Variants in CLSTN1 observed in about 807,000 individuals in gnomAD.
CLSTN1 encodes the protein calsyntenin 1.
CLSTN1 carries 28 observed loss-of-function variants against 108.3 expected under a neutral mutation model. The observed-to-expected ratio is 0.26, with a 90% CI of 0.19 to 0.35. The LOEUF (loss-of-function observed/expected upper bound fraction) is 0.35. CLSTN1 is among the 10% of genes least tolerant of loss of function. The pLI is 1.00. For synonymous variants in CLSTN1, 524 were observed against 534.9 expected (o/e 0.98, Z 0.28); for missense variants, 1,157 against 1,302.6 (o/e 0.89, Z 1.72).
intron 1 of CLSTN1, among the ~76,000 whole-genome samples, chr1:9,786,287 T>C (rs1233203495): frequency 6.6e-6 from 1 of 152,176 alleles, no homozygotes; most frequent in Non-Finnish European, 1.5e-5. Context: ...CCTGCATTTA[T>C]TCACTTTTCC....
At chr1:9,781,505 G>A (rs778890115) in intron 1 of CLSTN1, among the ~76,000 whole-genome samples, 54 of 151,086 alleles carry the variant, frequency 3.6e-4, no homozygotes, top group Admixed American at 6.6e-4. Context: ...GTGTAGTGGC[G>A]TGATCTCGGC....
chr1:9,734,127 A>C lies in CLSTN1; in HGVS notation c.2126T>G (p.Val709Gly). The change falls in exon 15 of 19, where the codon GTG (valine) becomes GGG (glycine). Residue 709 changes from valine to glycine, a missense_variant. Coordinates refer to ENST00000377298, the MANE Select transcript of CLSTN1 (RefSeq NM_001009566.3). The surrounding 1 kb of genome is among the most constrained non-coding windows in gnomAD (Gnocchi z 4.8). ...AEDPTVQESL[V>G]SEEIVHDLDT... ...CAGGTCGTGCACGATCTCCTCGGAC[A>C]CCAGTGATTCTTGAACTGCAAAAGA... 6.2e-7 allele frequency: 1 copy of C among 1,614,102 alleles called. No homozygotes were observed. The highest frequency in any genetic ancestry group is 8.5e-7 in the Non-Finnish European group (1 of 1,179,992).
intron 4 of CLSTN1, among the ~76,000 whole-genome samples, chr1:9,752,586 C>A (rs1206740677): frequency 1.3e-5 from 2 of 152,094 alleles, no homozygotes; most frequent in East Asian, 3.9e-4. Flanking sequence ...AGACTCAGGG[C>A]CGGGTGTGGT....
intron 1 of CLSTN1, among the ~76,000 whole-genome samples, chr1:9,778,540 C>A (rs558956900): frequency 1.3e-5 from 2 of 151,876 alleles, no homozygotes; most frequent in African/African-American, 4.8e-5. Flanking sequence ...CTAGAGACAA[C>A]GCACGAAACC....
At chr1:9,811,208 CTA>C (rs1654742350) in intron 1 of CLSTN1, among the ~76,000 whole-genome samples, 2 of 152,214 alleles carry the variant, frequency 1.3e-5, no homozygotes, top group South Asian at 2.1e-4. Flanking sequence ...AGGGGAAAGG[CTA>C]TGTTATGAAG....
chr1:9,755,146 T>G lies in CLSTN1; in HGVS notation c.408A>C (p.Gly136=), dbSNP rs1428330455. Residue 136 remains glycine, a synonymous_variant, in exon 4 of 19, where the codon GGA becomes GGC. Coordinates refer to ENST00000377298, the MANE Select transcript of CLSTN1 (RefSeq NM_001009566.3). ...FTIQAYDCGK[G]PDGTNVKKSH... ...ACTTTTTCACGTTGGTGCCATCAGG[T>G]CCCTTCCCACAATCATAGGCCTGGA... 3.7e-6 allele frequency: 6 copies of G among 1,613,552 alleles called. No individual in the cohort carries two copies. The highest frequency in any genetic ancestry group is 1.3e-5 in the African/African-American group (1 of 74,912).
chr1:9,757,200 C>G (rs1283109918), intron 2 of CLSTN1, among the ~76,000 whole-genome samples: 5 of 151,642 alleles, frequency 3.3e-5, no homozygotes, highest in African/African-American at 1.2e-4. Context: ...TGGTAACATT[C>G]AACTCATCAG....
At position 9,730,340 on chromosome 1, in the gene CLSTN1, G is replaced by A. The variant is rs981051890; in HGVS notation, c.*168C>T. 2 of 686,124 alleles carry A rather than the reference G, an allele frequency of 2.9e-6. No individual in the cohort carries two copies. The highest frequency in any genetic ancestry group is 4.4e-5 in the Admixed American group (2 of 45,070). The allele number at this position is 686,124 out of a possible 1,614,324, so 42.5% of individuals were successfully genotyped here. A position where few individuals can be genotyped will look rare whatever the true frequency, so the allele number is the denominator to read the frequency against. On this transcript the variant is annotated 3_prime_UTR_variant, in exon 19 of 19. Coordinates refer to ENST00000377298, the MANE Select transcript of CLSTN1 (RefSeq NM_001009566.3). This position sits in a 1 kb window ranked among gnomAD's most constrained non-coding sequence, Gnocchi z 5.6. Reference sequence around the variant, plus strand: ...AAGAGCGCGACCAGGCAGAGGGTGGGCGGGGAGCCTAGGGTCCTACACACC... The same window carrying A: ...AAGAGCGCGACCAGGCAGAGGGTGGACGGGGAGCCTAGGGTCCTACACACC...
At chr1:9,810,097 G>GGAGGA (rs1654672249) in intron 1 of CLSTN1, among the ~76,000 whole-genome samples, 1 of 126,280 alleles carries the variant, frequency 7.9e-6, no homozygotes, top group Non-Finnish European at 1.7e-5. Flanking sequence ...AGGAAGGAGG[G>GGAGGA]AGGGAGGGAG....
Position 9,773,379 on chromosome 1 carries a change from G to A in CLSTN1, c.107C>T (p.Pro36Leu). 6.2e-7 allele frequency: 1 copy of A among 1,611,236 alleles called. No homozygotes were observed. The highest frequency in any genetic ancestry group is 8.5e-7 in the Non-Finnish European group (1 of 1,178,776). The change falls in exon 2 of 19, where the codon CCC becomes CTC. Residue 36 changes from proline (P) to leucine (L), a missense_variant. Physicochemically the swap from Pro to Leu is moderately conservative, Grantham distance 98 (BLOSUM62 -3). Coordinates refer to ENST00000377298, the MANE Select transcript of CLSTN1 (RefSeq NM_001009566.3). ...GCCGTGGTAGGTGGGCTCCAGCCAG[G>A]GCTTGTGCTTGTTAACTGTGTTTAA... ...VWAARVNKHK[P>L]WLEPTYHGIV... is the part of the protein sequence containing the mutation.
intron 1 of CLSTN1, among the ~76,000 whole-genome samples, chr1:9,783,493 G>A (rs1200632864): frequency 6.6e-6 from 1 of 152,210 alleles, no homozygotes; most frequent in African/African-American, 2.4e-5. Flanking sequence ...GCCAAGGCGG[G>A]TGGATCACCT....
In CLSTN1 at chr1:9,774,449, C is replaced by T. The variant is rs192301106; in HGVS notation, c.92-1055G>A. Among the ~76,000 whole-genome samples, 131 of 151,756 alleles carry T rather than the reference C, an allele frequency of 8.6e-4. 1 individual carries two copies. Among genetic ancestry groups the T allele is most frequent in the African/African-American group, 3.1e-3 (128 of 41,400 alleles). ...GGTGTGGTGGCACACACCTGTAATC[C>T]CAGCTACTCGGGAGGCTGAGGCAGA... On this transcript the variant is annotated intron_variant, in intron 1 of 18. Coordinates refer to ENST00000377298, the MANE Select transcript of CLSTN1 (RefSeq NM_001009566.3).
At chr1:9,794,495 G>A (rs1653904266) in intron 1 of CLSTN1, among the ~76,000 whole-genome samples, 1 of 151,262 alleles carries the variant, frequency 6.6e-6, no homozygotes, top group African/African-American at 2.4e-5. Context: ...TTTTAGTAGA[G>A]ACAGGGTTTC....
chr1:9,736,108 C>A, intron 11 of CLSTN1, 66 bp from the exon 12 acceptor site: 1 of 1,597,444 alleles, frequency 6.3e-7, no homozygotes, highest in Non-Finnish European at 8.6e-7. Flanking sequence ...TCACTTCTCA[C>A]TCAACACGGT....
intron 1 of CLSTN1, chr1:9,781,353 C>T (rs1027659860): frequency 2.0e-6 from 1 of 490,728 alleles, no homozygotes. Flanking sequence ...AAAAATTTTC[C>T]TTTTTAAAAG....
Position 9,735,148 on chromosome 1 carries a change from G to A in CLSTN1, c.1910C>T (p.Ser637Leu), listed in dbSNP as rs369749745. ...IKCFNEATCI[S>L]VPPVDGYVMV... ...CACGTAGCCATCTACCGGGGGGACC[G>A]AAATGCAGGTGGCCTCGTTAAAACA... is the stretch of plus-strand genomic sequence containing the variant. Residue 637 changes from serine (S) to leucine (L), a missense_variant, in exon 14 of 19, where the codon TCG (serine) becomes TTG (leucine). Transcript: ENST00000377298. 18 of 1,614,092 alleles carry A rather than the reference G, an allele frequency of 1.1e-5. 1 individual carries two copies. Among genetic ancestry groups the A allele is most frequent in the African/African-American group, 8.0e-5 (6 of 74,930 alleles).
At chr1:9,808,195 T>C (rs1194515457) in intron 1 of CLSTN1, among the ~76,000 whole-genome samples, 1 of 152,198 alleles carries the variant, frequency 6.6e-6, no homozygotes, top group South Asian at 2.1e-4. Context: ...GCTTCCCATA[T>C]GCGGGTGTCA....
chr1:9,782,664 A>T (rs1570486972), intron 1 of CLSTN1, among the ~76,000 whole-genome samples: 1 of 152,184 alleles, frequency 6.6e-6, no homozygotes, highest in African/African-American at 2.4e-5. Flanking sequence ...GATTAACATG[A>T]ATATAAGCTA....
At chr1:9,804,256 A>G (rs566247012) in intron 1 of CLSTN1, among the ~76,000 whole-genome samples, 1 of 150,090 alleles carries the variant, frequency 6.7e-6, no homozygotes, top group East Asian at 2.0e-4. Context: ...CCAGCTACTC[A>G]GGAGGCTGAG....
Sources: allele counts gnomAD v4.1 joint callset (sites outside exome capture counted in the v4.1 genomes callset), GRCh38; gene constraint gnomAD v4.1.1; non-coding constraint Gnocchi (gnomAD v3.1); transcripts MANE v1.5; gene names NCBI Gene and HGNC (gene_info 2026-07-23, HGNC 2026-07-21).